The following EPB41L2 variants were observed in gnomAD, a reference collection of about 807,000 sequenced individuals.
EPB41L2 encodes band 4.1-like protein 2.
Under a neutral mutation model 113.0 loss-of-function variants are expected in EPB41L2, and 43 were observed. The observed-to-expected ratio is 0.38, with a 90% CI of 0.30 to 0.49. The LOEUF is 0.49. EPB41L2 is among the 20% of genes least tolerant of loss of function. The probability of loss-of-function intolerance (pLI) is 0.95; values close to 1 mark genes in which losing one functional copy is unlikely to be tolerated. For synonymous variants in EPB41L2, 442 were observed against 436.7 expected (o/e 1.01, Z -0.15); for missense variants, 1,147 against 1,223.4 (o/e 0.94, Z 0.93).
intron 7 of EPB41L2, among the ~76,000 whole-genome samples, chr6:130,899,948 AT>A (rs1795842768): frequency 6.6e-6 from 1 of 152,196 alleles, no homozygotes; most frequent in Non-Finnish European, 1.5e-5. Flanking sequence ...CCTTCATTTT[AT>A]TTCACTAGAG....
intron 1 of EPB41L2, among the ~76,000 whole-genome samples, chr6:131,013,330 A>G (rs1787482288): frequency 6.6e-6 from 1 of 152,130 alleles, no homozygotes; most frequent in Non-Finnish European, 1.5e-5. Context: ...CAGGAGAAAA[A>G]CATGGATTAC....
At chr6:130,875,946 T>C (rs900287059) in intron 14 of EPB41L2, among the ~76,000 whole-genome samples, 2 of 150,410 alleles carry the variant, frequency 1.3e-5, no homozygotes, top group Non-Finnish European at 3.0e-5. Context: ...GATCATGCCA[T>C]TGCACTCCAG....
chr6:131,041,668 T>C (rs765681087), intron 1 of EPB41L2, among the ~76,000 whole-genome samples: 2 of 152,094 alleles, frequency 1.3e-5, no homozygotes, highest in Admixed American at 6.5e-5. Flanking sequence ...TTCCAGAATG[T>C]GGGAAACTCT....
intron 1 of EPB41L2, among the ~76,000 whole-genome samples, chr6:131,044,060 T>C (rs1218033603): frequency 6.7e-6 from 1 of 148,678 alleles, no homozygotes; most frequent in Non-Finnish European, 1.5e-5. Flanking sequence ...CTCACTCTGC[T>C]GTCCAGGTTG....
chr6:130,885,112 T>C lies in EPB41L2; in HGVS notation c.1817A>G (p.Gln606Arg). The C allele has an allele frequency of 6.2e-7, 1 of 1,614,134 alleles. No homozygotes were observed. Among genetic ancestry groups the C allele is most frequent in the Non-Finnish European group, 8.5e-7 (1 of 1,179,990 alleles). ...VRSPTKAPHL[Q>R]LIEGKKNSLR... ...TTACCATACCTTTCCTTCAATGAGC[T>C]GCAAATGTGGGGCTTTAGTTGGGCT... The change falls in exon 12 of 20, where the codon CAG (glutamine) becomes CGG (arginine). Residue 606 changes from glutamine to arginine, a missense_variant. Gln to Arg is a conservative substitution (Grantham distance 43). Transcript: ENST00000337057.
intron 1 of EPB41L2, among the ~76,000 whole-genome samples, chr6:130,984,946 G>C (rs1780196618): frequency 6.6e-6 from 1 of 152,220 alleles, no homozygotes; most frequent in Non-Finnish European, 1.5e-5. Context: ...GAACCTTCAA[G>C]AGAGATGGGA....
intron 3 of EPB41L2, among the ~76,000 whole-genome samples, chr6:130,950,512 A>G (rs1814545689): frequency 6.6e-6 from 1 of 152,170 alleles, no homozygotes; most frequent in South Asian, 2.1e-4. Context: ...AAAAATTTGA[A>G]TCAACGATTT....
intron 1 of EPB41L2, among the ~76,000 whole-genome samples, chr6:130,999,690 T>G (rs1229173191): frequency 6.6e-6 from 1 of 152,140 alleles, no homozygotes; most frequent in African/African-American, 2.4e-5. Context: ...ACTAGAAATG[T>G]CTCCAGAAAA....
intron 11 of EPB41L2, among the ~76,000 whole-genome samples, chr6:130,889,305 C>A (rs1792034055): frequency 6.6e-6 from 1 of 151,812 alleles, no homozygotes; most frequent in African/African-American, 2.4e-5. Flanking sequence ...ATAAATTTAA[C>A]CTTAGCTCTT....
intron 3 of EPB41L2, among the ~76,000 whole-genome samples, chr6:130,944,942 T>C (rs1420035907): frequency 6.6e-6 from 1 of 152,072 alleles, no homozygotes; most frequent in Non-Finnish European, 1.5e-5. Flanking sequence ...CACGGCAGTC[T>C]TTTCCCATTT....
At chr6:130,871,740 A>G (rs1785762714) in intron 14 of EPB41L2, among the ~76,000 whole-genome samples, 1 of 152,234 alleles carries the variant, frequency 6.6e-6, no homozygotes, top group African/African-American at 2.4e-5. Flanking sequence ...TCTAGATATT[A>G]AACTGAAAAA....
chr6:130,935,865 T>C (rs1271428202), intron 3 of EPB41L2, among the ~76,000 whole-genome samples: 1 of 152,080 alleles, frequency 6.6e-6, no homozygotes, highest in Non-Finnish European at 1.5e-5. Flanking sequence ...CAGGAACCAA[T>C]TCCCACTCCT....
At chr6:130,955,074 A>C (rs1432059989) in intron 3 of EPB41L2, 31 bp downstream of exon 3, 2 of 1,586,300 alleles carry the variant, frequency 1.3e-6, no homozygotes, top group Non-Finnish European at 1.7e-6. Flanking sequence ...TCCACATATC[A>C]AGCTAGCTCT....
At chr6:130,984,280 T>A (rs1780022846) in intron 1 of EPB41L2, among the ~76,000 whole-genome samples, 1 of 152,202 alleles carries the variant, frequency 6.6e-6, no homozygotes, top group South Asian at 2.1e-4. Context: ...TTTTTGTAAG[T>A]AGAAGAAGTA....
chr6:131,032,148 A>G (rs1197039182), intron 1 of EPB41L2, among the ~76,000 whole-genome samples: 1 of 152,180 alleles, frequency 6.6e-6, no homozygotes, highest in East Asian at 1.9e-4. Flanking sequence ...ATATTCCTAT[A>G]TATTACCATG....
At chr6:131,028,181 G>A (rs774035771) in intron 1 of EPB41L2, among the ~76,000 whole-genome samples, 31 of 152,100 alleles carry the variant, frequency 2.0e-4, no homozygotes, top group East Asian at 9.6e-4. Flanking sequence ...AAGAATTAAC[G>A]TGTTTTAAAA....
intron 15 of EPB41L2, chr6:130,867,879 G>GATGGC: frequency 2.9e-6 from 1 of 344,642 alleles, no homozygotes; most frequent in Non-Finnish European, 5.5e-6. Flanking sequence ...CCTAAATTAT[G>GATGGC]TTACTCTTTA....
intron 16 of EPB41L2, among the ~76,000 whole-genome samples, chr6:130,865,999 T>C (rs1783631637): frequency 2.0e-5 from 3 of 152,128 alleles, no homozygotes; most frequent in Admixed American, 2.0e-4. Context: ...AGCGCTGAGT[T>C]TGTTGTTTTT....
intron 5 of EPB41L2, 122 bp downstream of exon 5, chr6:130,908,699 A>C (rs899541774): frequency 1.6e-6 from 1 of 640,696 alleles, no homozygotes; most frequent in Admixed American, 3.2e-5. Flanking sequence ...TATTATTAGT[A>C]TTATTAACTT....
Sources: gnomAD v4.1 joint callset for allele counts (sites outside exome capture counted in the v4.1 genomes callset) on GRCh38, gnomAD v4.1.1 for gene constraint, MANE v1.5 for transcripts, NCBI Gene and HGNC (gene_info 2026-07-23, HGNC 2026-07-21) for gene names.